Variants in RALGAPA1 observed in about 807,000 individuals in gnomAD.
RALGAPA1 encodes the protein Ral GTPase activating protein catalytic subunit alpha 1.
A neutral mutation model predicts 269.6 loss-of-function variants in RALGAPA1; 52 were observed. That is an observed-to-expected ratio of 0.19 (90% CI 0.15 to 0.24). The LOEUF (loss-of-function observed/expected upper bound fraction) is 0.24. Ranked by LOEUF, RALGAPA1 falls within the 10% of genes least tolerant of loss-of-function variation. The probability of loss-of-function intolerance (pLI) is 1.00; values close to 1 mark genes in which losing one functional copy is unlikely to be tolerated. For synonymous variants in RALGAPA1, 817 were observed against 1,008.3 expected (o/e 0.81, Z 3.60); for missense variants, 1,917 against 3,013.9 (o/e 0.64, Z 8.52).
At chr14:35,791,195 C>CAATA (rs1370552347) in intron 1 of RALGAPA1, among the ~76,000 whole-genome samples, 1 of 152,176 alleles carries the variant, frequency 6.6e-6, no homozygotes, top group African/African-American at 2.4e-5. Context: ...GGAAGGCTGA[C>CAATA]TTCTTCAGGC....
intron 5 of RALGAPA1, among the ~76,000 whole-genome samples, chr14:35,761,526 AAATT>A (rs1444435778): frequency 2.0e-5 from 3 of 152,174 alleles, no homozygotes; most frequent in East Asian, 1.9e-4. Flanking sequence ...ATTTAAATAA[AAATT>A]ATTTAAAACC....
rs1332125298 is a variant in RALGAPA1, at chr14:35,683,720, T to C, written c.4471+89A>G. 1.3e-5 allele frequency: 12 copies of C among 956,290 alleles called. 1 individual carries two copies. The highest frequency in any genetic ancestry group is 1.7e-5 in the Non-Finnish European group (11 of 660,982). 59.2% of individuals were successfully genotyped at this position (956,290 alleles called of 1,614,324 possible). On this transcript the variant is annotated intron_variant, in intron 21 of 41. Coordinates refer to ENST00000680220, the MANE Select transcript of RALGAPA1 (RefSeq NM_001346249.2). Reference sequence around the variant, plus strand: ...AAAAATATACTTAAATAGTAATAAGTAATACTTAAAATCTCTCAAAATTTT... The same window carrying C: ...AAAAATATACTTAAATAGTAATAAGCAATACTTAAAATCTCTCAAAATTTT...
intron 1 of RALGAPA1, among the ~76,000 whole-genome samples, chr14:35,801,244 GACACACACACAC>G (rs201700521): frequency 1.5e-4 from 20 of 135,014 alleles, no homozygotes; most frequent in Non-Finnish European, 2.0e-4. Context: ...TATATACACA[GACACACACACAC>G]ACACACACAC....
At chr14:35,729,739 G>A (rs899537795) in intron 12 of RALGAPA1, among the ~76,000 whole-genome samples, 6 of 152,294 alleles carry the variant, frequency 3.9e-5, no homozygotes, top group African/African-American at 1.4e-4. Context: ...AACAGCCAGA[G>A]TATGTGGAGC....
At chr14:35,578,199 A>C (rs944320854) in intron 37 of RALGAPA1, among the ~76,000 whole-genome samples, 2 of 152,190 alleles carry the variant, frequency 1.3e-5, no homozygotes, top group Non-Finnish European at 2.9e-5. Flanking sequence ...ATAACCATAC[A>C]ATAAATAAAT....
intron 31 of RALGAPA1, among the ~76,000 whole-genome samples, chr14:35,642,726 T>C (rs1193843871): frequency 1.3e-5 from 2 of 152,164 alleles, no homozygotes; most frequent in Non-Finnish European, 2.9e-5. Context: ...GGAACACTTT[T>C]ACATGGTTGG....
At chr14:35,706,626 T>A (rs1595233945) in intron 16 of RALGAPA1, 3 of 149,722 alleles carry the variant, frequency 2.0e-5, no homozygotes, top group Admixed American at 6.7e-5. Flanking sequence ...TTTTTTTTTT[T>A]TTTTTTTCTG....
intron 36 of RALGAPA1, among the ~76,000 whole-genome samples, chr14:35,601,139 G>A (rs763870245): frequency 5.9e-5 from 9 of 152,188 alleles, no homozygotes; most frequent in East Asian, 1.9e-4. Flanking sequence ...TGACACAGTC[G>A]TAAGGGTGAC....
intron 9 of RALGAPA1, among the ~76,000 whole-genome samples, chr14:35,749,148 T>A (rs1452996419): frequency 1.3e-5 from 2 of 152,166 alleles, no homozygotes; most frequent in East Asian, 3.9e-4. Flanking sequence ...AATAATGGAA[T>A]TAGAGACAGC....
intron 35 of RALGAPA1, among the ~76,000 whole-genome samples, chr14:35,607,357 G>A (rs1456272275): frequency 1.3e-5 from 2 of 152,194 alleles, no homozygotes; most frequent in Non-Finnish European, 2.9e-5. Flanking sequence ...TCAGGGAAGA[G>A]ACAGGTTACT....
intron 16 of RALGAPA1, among the ~76,000 whole-genome samples, chr14:35,715,444 G>T (rs2068730642): frequency 6.6e-6 from 1 of 151,566 alleles, no homozygotes; most frequent in South Asian, 2.1e-4. Context: ...TTCAAACATG[G>T]TTATTTTATA....
At chr14:35,710,504 C>G (rs2068228430) in intron 16 of RALGAPA1, among the ~76,000 whole-genome samples, 4 of 152,176 alleles carry the variant, frequency 2.6e-5, no homozygotes, top group Admixed American at 2.6e-4. Flanking sequence ...GTGATCTGCC[C>G]TCCTTGGCCT....
At chr14:35,588,667 T>C (rs775872127) in intron 37 of RALGAPA1, among the ~76,000 whole-genome samples, 14 of 152,204 alleles carry the variant, frequency 9.2e-5, no homozygotes, top group Non-Finnish European at 1.6e-4. Flanking sequence ...TTTAAATTAG[T>C]ACAGGCATTA....
At chr14:35,742,731 A>G (rs2071678254) in intron 10 of RALGAPA1, among the ~76,000 whole-genome samples, 166 bp from the exon 11 acceptor site, 1 of 151,966 alleles carries the variant, frequency 6.6e-6, no homozygotes, top group Admixed American at 6.6e-5. Flanking sequence ...ATTGATATAA[A>G]TAAGAGTTAA....
chr14:35,572,995 A>T lies in RALGAPA1; in HGVS notation c.7210-277T>A, dbSNP rs536568907. The T allele has an allele frequency of 2.6e-4, 55 of 209,678 alleles. 1 individual carries two copies. Among genetic ancestry groups the T allele is most frequent in the African/African-American group, 1.3e-3 (55 of 43,922 alleles). 13.0% of individuals were successfully genotyped at this position (209,678 alleles called of 1,614,324 possible). ...CTCTCCTTAACCAGCAACTGCACCAATTCTCCACTAACAGATCTTTTAAAA... is the reference window on the plus strand; with the variant it reads ...CTCTCCTTAACCAGCAACTGCACCATTTCTCCACTAACAGATCTTTTAAAA... On this transcript the variant is annotated intron_variant, in intron 37 of 41. Coordinates refer to ENST00000680220, the MANE Select transcript of RALGAPA1 (RefSeq NM_001346249.2).
intron 1 of RALGAPA1, among the ~76,000 whole-genome samples, chr14:35,782,670 C>T (rs556695469): frequency 2.6e-4 from 40 of 151,950 alleles, no homozygotes; most frequent in Middle Eastern, 3.4e-3. Context: ...GTGATCCACC[C>T]GCCATGGCCT....
chr14:35,684,005 T>C lies in RALGAPA1; in HGVS notation c.4295-20A>G. 6.3e-7 allele frequency: 1 copy of C among 1,591,596 alleles called. No individual in the cohort carries two copies. The highest frequency in any genetic ancestry group is 2.2e-5 in the East Asian group (1 of 44,520). ...CAAAATCTATAGGAAGAAGAAATGTTATTATATGAGTCCCAATTACAAAGT... is the reference window on the plus strand; with the variant it reads ...CAAAATCTATAGGAAGAAGAAATGTCATTATATGAGTCCCAATTACAAAGT... On this transcript the variant is annotated intron_variant, in intron 20 of 41. Coordinates refer to ENST00000680220, the MANE Select transcript of RALGAPA1 (RefSeq NM_001346249.2).
intron 7 of RALGAPA1, among the ~76,000 whole-genome samples, chr14:35,754,170 T>A (rs1595437916): frequency 1.3e-5 from 2 of 152,256 alleles, no homozygotes; most frequent in East Asian, 3.9e-4. Context: ...TAGGAGAATA[T>A]CTTTGTGACA....
intron 36 of RALGAPA1, among the ~76,000 whole-genome samples, chr14:35,600,333 C>T (rs2059221554): frequency 6.7e-6 from 1 of 149,004 alleles, no homozygotes. Flanking sequence ...GGGACTCAAG[C>T]AATCCTCCCA....
Sources: allele counts gnomAD v4.1 joint callset (sites outside exome capture counted in the v4.1 genomes callset), GRCh38; gene constraint gnomAD v4.1.1; transcripts MANE v1.5; gene names NCBI Gene and HGNC (gene_info 2026-07-23, HGNC 2026-07-21).